The following STX17 variants were observed in gnomAD, a reference collection of about 807,000 sequenced individuals.
STX17 encodes the protein syntaxin-17.
A neutral mutation model predicts 35.9 loss-of-function variants in STX17; 29 were observed. The observed-to-expected ratio is 0.81, with a 90% confidence interval of 0.60 to 1.10. The LOEUF is 1.10. Ranked by LOEUF, STX17 falls within the 50% of genes least tolerant of loss-of-function variation. The probability of loss-of-function intolerance (pLI) is 0.00; values close to 1 mark genes in which losing one functional copy is unlikely to be tolerated. For synonymous variants in STX17, 92 were observed against 118.3 expected (o/e 0.78, Z 1.44); for missense variants, 312 against 352.3 (o/e 0.89, Z 0.92).
intron 4 of STX17, among the ~76,000 whole-genome samples, chr9:99,959,456 C>CTTTT (rs35078503): frequency 3.6e-5 from 4 of 111,064 alleles, no homozygotes; most frequent in Non-Finnish European, 5.2e-5. Context: ...ATGGATAAAT[C>CTTTT]TTTTTTTTTT....
intron 3 of STX17, among the ~76,000 whole-genome samples, chr9:99,944,487 A>G (rs975289290): frequency 6.7e-6 from 1 of 149,298 alleles, no homozygotes; most frequent in South Asian, 2.1e-4. Flanking sequence ...TTAAATATGC[A>G]TTATTTTTCT....
At chr9:99,966,724 T>A (rs1829919565) in intron 6 of STX17, among the ~76,000 whole-genome samples, 1 of 152,234 alleles carries the variant, frequency 6.6e-6, no homozygotes, top group African/African-American at 2.4e-5. Flanking sequence ...CTAAATTTCA[T>A]CATACTATAC....
Position 99,958,833 on chromosome 9 carries a change from A to G in STX17, c.416-1084A>G, listed in dbSNP as rs534941652. 2.0e-5 allele frequency among the ~76,000 whole-genome samples: 3 copies of G among 152,356 alleles called. No homozygotes were observed. The South Asian group carries it at 6.2e-4, about 32-fold the overall frequency. ...TTAAAGTGTGAATTAATTCATCATC[A>G]TAGCAGTGTTTAATGGGGAAAGTCC... On this transcript the variant is annotated intron_variant, in intron 4 of 7. Transcript: ENST00000259400.
At chr9:99,937,369 G>C (rs980388034) in intron 3 of STX17, among the ~76,000 whole-genome samples, 8 of 152,162 alleles carry the variant, frequency 5.3e-5, no homozygotes, top group African/African-American at 1.9e-4. Flanking sequence ...TCTCCTTCAA[G>C]GGCTCCAATT....
In STX17 at chr9:99,967,734, G is replaced by A. The variant is rs1829945237; in HGVS notation, c.664G>A (p.Gly222Arg). 6.2e-7 allele frequency: 1 copy of A among 1,613,664 alleles called. No homozygotes were observed. Among genetic ancestry groups the A allele is most frequent in the East Asian group, 2.2e-5 (1 of 44,878 alleles). ...TGTTGAAGAGGGAACCAAAAACTTA[G>A]GGAAGGTAAGATTCTGCTCCTGCTG... ...VNVEEGTKNLGKAAKYKLAAL... is the reference protein window; with the variant it reads ...VNVEEGTKNLRKAAKYKLAAL... The change falls in exon 7 of 8, where the codon GGG becomes AGG. Residue 222 changes from glycine to arginine, a missense_variant. Gly to Arg is a moderately radical substitution (Grantham distance 125). Transcript: ENST00000259400.
At position 99,974,320 on chromosome 9, in the gene STX17, A is replaced by G. The variant is rs553930496; in HGVS notation, c.*5647A>G. 7.2e-5 allele frequency among the ~76,000 whole-genome samples: 11 copies of G among 152,338 alleles called. No individual in the cohort carries two copies. In the South Asian group the frequency reaches 2.3e-3, roughly 32 times the overall value. On this transcript the variant is annotated 3_prime_UTR_variant, in exon 8 of 8. Transcript: ENST00000259400. ...CTTGTATTAAGGTTAATCACTAAAA[A>G]GGTGTTTACTTGGGTTTCGTTAACT...
intron 1 of STX17, among the ~76,000 whole-genome samples, chr9:99,910,227 C>T (rs1010747780): frequency 4.7e-5 from 7 of 149,160 alleles, no homozygotes; most frequent in East Asian, 3.9e-4. Context: ...AGTGAGACTC[C>T]GTCTCAAAAC....
At chr9:99,953,331 A>C (rs1829643133) in intron 4 of STX17, among the ~76,000 whole-genome samples, 1 of 152,066 alleles carries the variant, frequency 6.6e-6, no homozygotes, top group Non-Finnish European at 1.5e-5. Context: ...TAAATACATA[A>C]ATATCTTTTT....
At position 99,971,683 on chromosome 9, in the gene STX17, T is replaced by C. The variant is rs976697665; in HGVS notation, c.*3010T>C. ...GGAATGTTAACTAGGTCTGTTGAGCTACAAAAACTTTTATGTCTCTCAGAC... is the reference window on the plus strand; with the variant it reads ...GGAATGTTAACTAGGTCTGTTGAGCCACAAAAACTTTTATGTCTCTCAGAC... On this transcript the variant is annotated 3_prime_UTR_variant, in exon 8 of 8. Transcript: ENST00000259400. Among the ~76,000 whole-genome samples, 1 of 152,188 alleles carries C rather than the reference T, an allele frequency of 6.6e-6. No homozygotes were observed. Among genetic ancestry groups the C allele is most frequent in the Non-Finnish European group, 1.5e-5 (1 of 68,036 alleles).
intron 3 of STX17, chr9:99,929,884 C>T (rs1268068712): frequency 2.7e-5 from 4 of 147,822 alleles, no homozygotes; most frequent in Non-Finnish European, 6.0e-5. Flanking sequence ...CTGTCACATG[C>T]TGTCAGTAAT....
rs1251699368 is a variant in STX17 at position 99,935,317 on chromosome 9, G to A, written c.189+6474G>A. On this transcript the variant is annotated intron_variant, in intron 3 of 7. Coordinates refer to ENST00000259400, the MANE Select transcript of STX17 (RefSeq NM_017919.3). ...TGTACTCCAGCCTGGGTGACAGAGC[G>A]ACACTCCATCTCAAAAAAAAAAAAA... Among the ~76,000 whole-genome samples, 6 of 122,284 alleles carry A rather than the reference G, an allele frequency of 4.9e-5. No homozygotes were observed. In the Admixed American group the frequency reaches 5.6e-4, roughly 11 times the overall value. 80.2% of individuals were successfully genotyped at this position (122,284 alleles called of 152,430 possible).
chr9:99,952,792 AC>A (rs1322984015), intron 4 of STX17, among the ~76,000 whole-genome samples: 3 of 151,098 alleles, frequency 2.0e-5, no homozygotes, highest in Admixed American at 6.6e-5. Flanking sequence ...AAAAAACCAA[AC>A]ACTGCATGTT....
chr9:99,968,471 G>A lies in STX17; in HGVS notation c.707G>A (p.Gly236Asp), dbSNP rs774469347. 6.3e-7 allele frequency: 1 copy of A among 1,589,336 alleles called. No individual in the cohort carries two copies. The highest frequency in any genetic ancestry group is 1.8e-5 in the Admixed American group (1 of 56,118). ...KYKLAALPVA[G>D]ALIGGMVGGP... Reference sequence around the variant, plus strand: ...AAGCTGGCAGCTCTGCCTGTGGCAGGTGCACTCATCGGGGGAATGGTAGGG... The same window carrying A: ...AAGCTGGCAGCTCTGCCTGTGGCAGATGCACTCATCGGGGGAATGGTAGGG... Residue 236 changes from glycine to aspartate, a missense_variant, in exon 8 of 8, where the codon GGT (glycine) becomes GAT (aspartate). Coordinates refer to ENST00000259400, the MANE Select transcript of STX17 (RefSeq NM_017919.3).
At chr9:99,920,377 G>A (rs1828864067) in intron 2 of STX17, among the ~76,000 whole-genome samples, 1 of 152,134 alleles carries the variant, frequency 6.6e-6, no homozygotes, top group Non-Finnish European at 1.5e-5. Context: ...TCCTCTTGCA[G>A]CTATTAGGGG....
chr9:99,956,444 G>A (rs1235592869), intron 4 of STX17, among the ~76,000 whole-genome samples: 1 of 152,016 alleles, frequency 6.6e-6, no homozygotes, highest in African/African-American at 2.4e-5. Flanking sequence ...TAATAATGAA[G>A]TTATCATTAT....
intron 1 of STX17, among the ~76,000 whole-genome samples, chr9:99,908,257 G>A (rs1035048792): frequency 6.6e-6 from 1 of 151,994 alleles, no homozygotes; most frequent in Non-Finnish European, 1.5e-5. Flanking sequence ...GACATCTTGG[G>A]GGGGAGCTTT....
chr9:99,934,740 A>C (rs1314910924), intron 3 of STX17, among the ~76,000 whole-genome samples: 1 of 152,182 alleles, frequency 6.6e-6, no homozygotes, highest in Non-Finnish European at 1.5e-5. Flanking sequence ...TTTGTTCTCA[A>C]AATTACATGT....
intron 2 of STX17, among the ~76,000 whole-genome samples, chr9:99,922,080 G>A (rs1024232944): frequency 2.0e-5 from 3 of 152,110 alleles, no homozygotes; most frequent in Middle Eastern, 3.4e-3. Flanking sequence ...TACTCAGCAC[G>A]TCCTGATGAT....
intron 2 of STX17, among the ~76,000 whole-genome samples, chr9:99,917,644 G>A (rs1828801530): frequency 6.6e-6 from 1 of 152,146 alleles, no homozygotes; most frequent in Admixed American, 6.5e-5. Flanking sequence ...TGATAAACTT[G>A]ATTAGAATGT....
Sources: allele counts gnomAD v4.1 joint callset (sites outside exome capture counted in the v4.1 genomes callset), GRCh38; gene constraint gnomAD v4.1.1; transcripts MANE v1.5; gene names NCBI Gene and HGNC (gene_info 2026-07-23, HGNC 2026-07-21).